The following VIT variants were observed in gnomAD, a reference collection of about 807,000 sequenced individuals.
The protein encoded by VIT is vitrin.
VIT carries 99 observed loss-of-function variants against 78.0 expected under a neutral mutation model. The observed-to-expected ratio is 1.27, with a 90% CI of 1.08 to 1.50. The LOEUF (loss-of-function observed/expected upper bound fraction) is 1.50, where lower values mean the gene tolerates loss of function less well. Ranked by LOEUF, VIT falls within the 40% of genes most tolerant of loss-of-function variation. VIT has a pLI of 0.00. For synonymous variants in VIT, 374 were observed against 334.3 expected (o/e 1.12, Z -1.29); for missense variants, 1,126 against 875.3 (o/e 1.29, Z -3.61).
At chr2:36,729,817 C>A (rs949368419) in intron 3 of VIT, among the ~76,000 whole-genome samples, 3 of 152,158 alleles carry the variant, frequency 2.0e-5, no homozygotes, top group African/African-American at 7.2e-5. Context: ...GTCTCAATTC[C>A]CCATACCAGA....
chr2:36,814,275 G>T lies in VIT; in HGVS notation c.1996G>T (p.Val666Leu). The T allele has an allele frequency of 6.2e-7, 1 of 1,614,208 alleles. No individual in the cohort carries two copies. The highest frequency in any genetic ancestry group is 8.5e-7 in the Non-Finnish European group (1 of 1,180,044). The change falls in exon 16 of 16, where the codon GTG becomes TTG. Residue 666 changes from valine (V) to leucine (L), a missense_variant. Transcript: ENST00000379242. ...THPARDHSFF[V>L]DEFDNLHQYV... is the part of the protein sequence containing the mutation. Reference sequence around the variant, plus strand: ...CCCCGCCAGAGACCACTCCTTCTTTGTGGACGAGTTTGACAACCTCCATCA... The same window carrying T: ...CCCCGCCAGAGACCACTCCTTCTTTTTGGACGAGTTTGACAACCTCCATCA...
intron 1 of VIT, among the ~76,000 whole-genome samples, chr2:36,715,832 T>G (rs1335596933): frequency 6.6e-6 from 1 of 152,224 alleles, no homozygotes; most frequent in Non-Finnish European, 1.5e-5. Context: ...TTTAACATGG[T>G]TATTTGTGTC....
chr2:36,790,117 G>C (rs1036944965), intron 12 of VIT, among the ~76,000 whole-genome samples: 1 of 152,072 alleles, frequency 6.6e-6, no homozygotes, highest in Non-Finnish European at 1.5e-5. Flanking sequence ...AAAAATATAA[G>C]ACCTATAAAA....
intron 1 of VIT, among the ~76,000 whole-genome samples, chr2:36,715,692 GC>G (rs1666085649): frequency 6.6e-6 from 1 of 152,176 alleles, no homozygotes; most frequent in African/African-American, 2.4e-5. Flanking sequence ...CTGGGGTACA[GC>G]CTGGGCATCA....
rs76535801 is a variant in VIT at position 36,774,717 on chromosome 2, G to C, written c.737-285G>C. ...GCTGTTGTCCTGGACAAAAAGGCTT[G>C]AGAATGAGAACACTGGCCAGGGCAA... On this transcript the variant is annotated intron_variant, in intron 8 of 15. Coordinates refer to ENST00000379242, the MANE Select transcript of VIT (RefSeq NM_053276.4). 1.1e-5 allele frequency: 11 copies of C among 985,244 alleles called. No individual in the cohort carries two copies. The East Asian group carries it at 1.1e-3, about 102-fold the overall frequency. The allele number at this position is 985,244 out of a possible 1,614,324, so 61.0% of individuals were successfully genotyped here.
intron 13 of VIT, among the ~76,000 whole-genome samples, chr2:36,804,032 G>A (rs1053244877): frequency 2.6e-5 from 4 of 152,282 alleles, no homozygotes; most frequent in African/African-American, 9.6e-5. Context: ...ACTAAAACTG[G>A]GAAAGTCCTG....
At chr2:36,741,797 C>T (rs1315355769) in intron 3 of VIT, among the ~76,000 whole-genome samples, 1 of 152,146 alleles carries the variant, frequency 6.6e-6, no homozygotes, top group African/African-American at 2.4e-5. Context: ...TACCAACACC[C>T]CACTCACTGC....
Position 36,808,734 on chromosome 2 carries a change from C to T in VIT, c.1652C>T (p.Ala551Val). Residue 551 changes from alanine (A) to valine (V), a missense_variant, in exon 15 of 16, where the codon GCC becomes GTC. By Grantham distance (64) the Ala-to-Val change is moderately conservative (BLOSUM62 0). Coordinates refer to ENST00000379242, the MANE Select transcript of VIT (RefSeq NM_053276.4). ...EISDTDTRIGAVQYTYEQRLE... is the reference protein window; with the variant it reads ...EISDTDTRIGVVQYTYEQRLE... The stretch of plus-strand genomic sequence containing the variant: ...TCCGACACGGACACGCGCATCGGGG[C>T]CGTGCAGTACACCTACGAACAGCGG... The T allele has an allele frequency of 6.2e-7, 1 of 1,614,210 alleles. No individual in the cohort carries two copies. Among genetic ancestry groups the T allele is most frequent in the East Asian group, 2.2e-5 (1 of 44,880 alleles).
At chr2:36,779,919 A>C (rs888769728) in intron 9 of VIT, among the ~76,000 whole-genome samples, 15 of 150,630 alleles carry the variant, frequency 1.0e-4, no homozygotes, top group African/African-American at 3.7e-4. Flanking sequence ...CACTGCAAAA[A>C]ACTGGAGGCA....
At chr2:36,735,368 A>G (rs989998696) in intron 3 of VIT, among the ~76,000 whole-genome samples, 1 of 152,198 alleles carries the variant, frequency 6.6e-6, no homozygotes. Context: ...TATTTGGCTT[A>G]TCACATTATT....
intron 3 of VIT, among the ~76,000 whole-genome samples, chr2:36,729,847 C>T (rs537164495): frequency 6.4e-4 from 98 of 152,246 alleles, no homozygotes; most frequent in African/African-American, 2.0e-3. Flanking sequence ...TTGGCTAATG[C>T]AAAGGTCTAG....
chr2:36,758,611 G>A lies in VIT; in HGVS notation c.410-358G>A, dbSNP rs377544168. On this transcript the variant is annotated intron_variant, in intron 5 of 15. Coordinates refer to ENST00000379242, the MANE Select transcript of VIT (RefSeq NM_053276.4). ...GAGCACTCCATCATCTCAAAGGAGA[G>A]CATGTGGAGGGCTTTCCCGTTCACC... 7.9e-5 allele frequency among the ~76,000 whole-genome samples: 12 copies of A among 152,360 alleles called. No homozygotes were observed. The East Asian group carries it at 1.5e-3, about 20-fold the overall frequency.
intron 7 of VIT, among the ~76,000 whole-genome samples, chr2:36,769,740 T>C (rs901932051): frequency 2.0e-5 from 3 of 152,164 alleles, no homozygotes; most frequent in Non-Finnish European, 2.9e-5. Context: ...TCAATGGTTT[T>C]TCGTATATTC....
At chr2:36,748,439 T>A (rs544132114) in intron 4 of VIT, among the ~76,000 whole-genome samples, 25 of 152,354 alleles carry the variant, frequency 1.6e-4, no homozygotes, top group African/African-American at 6.0e-4. Flanking sequence ...TTTCTTAAAT[T>A]CTTTTTTCTT....
intron 1 of VIT, among the ~76,000 whole-genome samples, chr2:36,701,105 T>TAAA (rs10650621): frequency 0.21 from 32,114 of 150,108 alleles, 3,914 homozygotes; most frequent in East Asian, 0.45. Context: ...GAAATTTCTT[T>TAAA]AAAAAAAAAA....
intron 6 of VIT, among the ~76,000 whole-genome samples, chr2:36,762,706 A>G (rs1240375010): frequency 6.6e-6 from 1 of 152,218 alleles, no homozygotes; most frequent in African/African-American, 2.4e-5. Flanking sequence ...AGGTCTCCGC[A>G]TGACCCTAAA....
chr2:36,787,162 G>A lies in VIT; in HGVS notation c.944G>A (p.Gly315Glu), dbSNP rs1043695163. Residue 315 changes from glycine to glutamate, a missense_variant, in exon 12 of 16, where the codon GGG (glycine) becomes GAG (glutamate). Gly to Glu is a moderately conservative substitution (Grantham distance 98, BLOSUM62 -2). Transcript: ENST00000379242. ...ATTGACTTGTCGTTTTTAATTGATG[G>A]GAGCACCAGCATTGGCAAACGGCGA... ...CKIDLSFLID[G>E]STSIGKRRFR... 1 of 1,614,188 alleles carries A rather than the reference G, an allele frequency of 6.2e-7. No individual in the cohort carries two copies. Among genetic ancestry groups the A allele is most frequent in the Non-Finnish European group, 8.5e-7 (1 of 1,180,036 alleles).
Position 36,713,589 on chromosome 2 carries a change from C to T in VIT, c.-18-2764C>T, listed in dbSNP as rs372228397. Among the ~76,000 whole-genome samples the T allele has an allele frequency of 6.2e-4, 94 of 152,174 alleles. 1 individual carries two copies. The South Asian group carries it at 0.019, about 31-fold the overall frequency. On this transcript the variant is annotated intron_variant, in intron 1 of 15. Transcript: ENST00000379242. ...GAGGACAAAGGAAGAAGGGAACAGC[C>T]TAGTTATGAGGCTAATTGCAATAAT...
intron 3 of VIT, among the ~76,000 whole-genome samples, chr2:36,729,782 A>G (rs551130131): frequency 6.6e-6 from 1 of 152,184 alleles, no homozygotes; most frequent in South Asian, 2.1e-4. Context: ...AAGCGGAAAA[A>G]GCTTAGCCCT....
Sources: allele counts gnomAD v4.1 joint callset (sites outside exome capture counted in the v4.1 genomes callset), GRCh38; gene constraint gnomAD v4.1.1; transcripts MANE v1.5; gene names NCBI Gene and HGNC (gene_info 2026-07-23, HGNC 2026-07-21).